Variants in MTCL2 observed in about 807,000 individuals in gnomAD.
The protein encoded by MTCL2 is microtubule cross-linking factor 2.
chr20:36,861,864 G>A, the MTCL2 span, among the ~76,000 whole-genome samples: 2 of 152,206 alleles, frequency 1.3e-5, no homozygotes, highest in Non-Finnish European at 1.5e-5. Flanking sequence ...TGCTGTCCGG[G>A]GGAAGCCCTA....
chr20:36,807,232 A>T, the MTCL2 span, among the ~76,000 whole-genome samples: 1 of 152,134 alleles, frequency 6.6e-6, no homozygotes. Context: ...CCACTGAGAT[A>T]GGGTGATGCA....
the MTCL2 span, chr20:36,784,416 TGG>T: frequency 3.0e-6 from 3 of 985,268 alleles, no homozygotes; most frequent in Non-Finnish European, 3.6e-6. Flanking sequence ...CCCGAATGGG[TGG>T]GTCTGGGAAC....
At chr20:36,845,267 G>A in the MTCL2 span, among the ~76,000 whole-genome samples, 1 of 152,322 alleles carries the variant, frequency 6.6e-6, no homozygotes, top group South Asian at 2.1e-4. Flanking sequence ...AAAAGGGCAA[G>A]AGTCAGGTCT....
chr20:36,804,074 T>C, the MTCL2 span, among the ~76,000 whole-genome samples: 1 of 150,252 alleles, frequency 6.7e-6, no homozygotes, highest in Non-Finnish European at 1.5e-5. Context: ...CCTTGGGAGA[T>C]AAATTTAACT....
chr20:36,817,126 G>A, the MTCL2 span, among the ~76,000 whole-genome samples: 1 of 151,940 alleles, frequency 6.6e-6, no homozygotes, highest in East Asian at 1.9e-4. Flanking sequence ...AATTAGCCAG[G>A]TGTGGTGGTG....
the MTCL2 span, among the ~76,000 whole-genome samples, chr20:36,822,379 G>A: frequency 6.6e-6 from 1 of 152,280 alleles, no homozygotes; most frequent in South Asian, 2.1e-4. Flanking sequence ...GCCCAGCCCT[G>A]AGGACAAACT....
At chr20:36,827,431 T>C in the MTCL2 span, among the ~76,000 whole-genome samples, 24 of 145,524 alleles carry the variant, frequency 1.6e-4, no homozygotes, top group South Asian at 5.6e-3. Flanking sequence ...TGGTGCGATC[T>C]CACCTCACTG....
chr20:36,848,546 ACC>A, the MTCL2 span, among the ~76,000 whole-genome samples: 1 of 151,968 alleles, frequency 6.6e-6, no homozygotes, highest in Non-Finnish European at 1.5e-5. Context: ...TCCTCACTGA[ACC>A]CCCCACTCCC....
chr20:36,815,173 G>C, the MTCL2 span: 1 of 1,612,744 alleles, frequency 6.2e-7, no homozygotes, highest in Non-Finnish European at 8.5e-7. The surrounding 1 kb of genome is among the most constrained non-coding windows in gnomAD (Gnocchi z 5.3). Flanking sequence ...TCCTTAGAGA[G>C]CCCCTGGGAG....
At chr20:36,835,045 C>T in the MTCL2 span, among the ~76,000 whole-genome samples, 1 of 152,022 alleles carries the variant, frequency 6.6e-6, no homozygotes, top group Non-Finnish European at 1.5e-5. Context: ...TATTTCCAGA[C>T]CTAGTATTTA....
the MTCL2 span, chr20:36,784,336 C>G: frequency 7.1e-6 from 7 of 986,050 alleles, no homozygotes; most frequent in East Asian, 3.4e-4. Flanking sequence ...GCTGGCGGGA[C>G]TGGCATGACC....
the MTCL2 span, chr20:36,829,292 T>C: frequency 7.1e-7 from 1 of 1,418,030 alleles, no homozygotes. Context: ...CACCCGACTT[T>C]CACAGCAGGG....
the MTCL2 span, among the ~76,000 whole-genome samples, chr20:36,861,315 C>A: frequency 6.6e-6 from 1 of 152,182 alleles, no homozygotes; most frequent in Non-Finnish European, 1.5e-5. Context: ...AACACCGAAC[C>A]CGGCCCTTGG....
chr20:36,809,608 C>T, the MTCL2 span, among the ~76,000 whole-genome samples: 1 of 144,568 alleles, frequency 6.9e-6, no homozygotes, highest in Non-Finnish European at 1.5e-5. Context: ...TTAGATATCA[C>T]TCTGTCACCC....
At chr20:36,862,916 G>C in the MTCL2 span, 75 of 1,307,856 alleles carry the variant, frequency 5.7e-5, no homozygotes, top group African/African-American at 1.0e-3. Flanking sequence ...CGGACTCGGC[G>C]TCGCTGCTCA....
the MTCL2 span, among the ~76,000 whole-genome samples, chr20:36,841,876 T>TGTGG: frequency 7.9e-5 from 5 of 63,388 alleles, no homozygotes; most frequent in Non-Finnish European, 1.2e-4. Flanking sequence ...GGGGGTGGGG[T>TGTGG]GTGTGTGTGT....
At chr20:36,853,054 C>T in the MTCL2 span, among the ~76,000 whole-genome samples, 1 of 146,612 alleles carries the variant, frequency 6.8e-6, no homozygotes, top group Non-Finnish European at 1.5e-5. Flanking sequence ...GAGACTTCGT[C>T]TCCAAAAAAA....
the MTCL2 span, among the ~76,000 whole-genome samples, chr20:36,788,035 T>C: frequency 6.6e-6 from 1 of 150,684 alleles, no homozygotes; most frequent in South Asian, 2.1e-4. Flanking sequence ...ACCCCATCTC[T>C]ACTCAAAATA....
At chr20:36,784,393 T>G in the MTCL2 span, 1 of 985,652 alleles carries the variant, frequency 1.0e-6, no homozygotes, top group Non-Finnish European at 1.2e-6. Context: ...TTGGGGTAAC[T>G]GGTCCAGGTG....
Sources: gnomAD v4.1 joint callset for allele counts (sites outside exome capture counted in the v4.1 genomes callset) on GRCh38, gnomAD v4.1.1 for gene constraint, Gnocchi (gnomAD v3.1) non-coding constraint, MANE v1.5 for transcripts, NCBI Gene and HGNC (gene_info 2026-07-23, HGNC 2026-07-21) for gene names.